DDX60L: variants seen among roughly 807,000 people sequenced by gnomAD.
DDX60L encodes the protein DExD/H-box 60 like, also known as probable ATP-dependent RNA helicase DDX60-like.
Under a neutral mutation model 211.6 loss-of-function variants are expected in DDX60L, and 191 were observed. The ratio of observed to expected loss-of-function variants is 0.90; its 90% CI spans 0.80 to 1.02. The LOEUF (loss-of-function observed/expected upper bound fraction) is 1.02, where lower values mean the gene tolerates loss of function less well. DDX60L is among the 50% of genes least tolerant of loss of function. The pLI is 0.00. For synonymous variants in DDX60L, 706 were observed against 694.1 expected (o/e 1.02, Z -0.27); for missense variants, 2,007 against 1,984.1 (o/e 1.01, Z -0.22).
At chr4:168,416,247 T>C (rs370528848) in intron 20 of DDX60L, among the ~76,000 whole-genome samples, 39 of 152,340 alleles carry the variant, frequency 2.6e-4, no homozygotes, top group African/African-American at 9.1e-4. Flanking sequence ...ATTTTAGCTT[T>C]AATTATTGGA....
At chr4:168,466,757 T>C (rs370594063) in intron 4 of DDX60L, among the ~76,000 whole-genome samples, 21 of 152,142 alleles carry the variant, frequency 1.4e-4, no homozygotes, top group East Asian at 5.8e-4. Context: ...TAAAAACTGG[T>C]TTAGAGTATC....
intron 1 of DDX60L, among the ~76,000 whole-genome samples, chr4:168,474,869 A>G (rs1168507045): frequency 1.3e-5 from 2 of 152,206 alleles, no homozygotes; most frequent in African/African-American, 4.8e-5. Context: ...AGACTGCCTC[A>G]GGGCTGAAGA....
At chr4:168,361,849 T>C (rs1022605745) in intron 36 of DDX60L, among the ~76,000 whole-genome samples, 1 of 152,184 alleles carries the variant, frequency 6.6e-6, no homozygotes, top group African/African-American at 2.4e-5. Context: ...GTTTAAGTAG[T>C]TTCGTTGCCC....
At chr4:168,476,578 C>T (rs753614050) in intron 1 of DDX60L, among the ~76,000 whole-genome samples, 48 of 151,944 alleles carry the variant, frequency 3.2e-4, no homozygotes, top group Non-Finnish European at 6.3e-4. Flanking sequence ...AGAGGGAATC[C>T]TATAGATTAA....
chr4:168,419,208 T>C (rs1235486932), intron 19 of DDX60L, 94 bp downstream of exon 19: 2 of 764,882 alleles, frequency 2.6e-6, no homozygotes, highest in Admixed American at 6.2e-5. Flanking sequence ...ACAACTTAAC[T>C]GCCATCATTG....
intron 29 of DDX60L, among the ~76,000 whole-genome samples, chr4:168,386,575 G>GAA (rs55835081): frequency 0.2 from 28,457 of 142,396 alleles, 2,948 homozygotes; most frequent in Middle Eastern, 0.31. Flanking sequence ...ATATGATGTT[G>GAA]AAAAAAAAAA....
intron 7 of DDX60L, 41 bp from the exon 8 acceptor site, chr4:168,453,323 G>T (rs200215309): frequency 3.2e-6 from 5 of 1,563,546 alleles, no homozygotes; most frequent in East Asian, 2.3e-5. Flanking sequence ...ACAATGTCAC[G>T]CTGTGAAATG....
intron 9 of DDX60L, among the ~76,000 whole-genome samples, chr4:168,443,680 C>A (rs368600223): frequency 6.7e-6 from 1 of 150,160 alleles, no homozygotes; most frequent in Non-Finnish European, 1.5e-5. Context: ...GCGGATCTCT[C>A]GGCAGAAACC....
Position 168,394,953 on chromosome 4 carries a change from A to G in DDX60L, c.3658-336T>C, listed in dbSNP as rs563182084. On this transcript the variant is annotated intron_variant, in intron 27 of 37. Transcript: ENST00000682922. ...GAACCTTAGGAGTCCTTTTCAAGCA[A>G]AGAGAGAGAGACTTCTCCAAGAAGG... is the stretch of plus-strand genomic sequence containing the variant. 4.9e-4 allele frequency among the ~76,000 whole-genome samples: 75 copies of G among 152,260 alleles called. 2 individuals carry two copies. In the South Asian group the frequency reaches 0.013, roughly 27 times the overall value.
intron 22 of DDX60L, among the ~76,000 whole-genome samples, chr4:168,407,920 C>A (rs1748032130): frequency 6.6e-6 from 1 of 152,178 alleles, no homozygotes; most frequent in African/African-American, 2.4e-5. Context: ...GCAAGGTTTT[C>A]TTTTTATTCT....
In DDX60L at chr4:168,430,695, G is replaced by A. The variant is rs137969339; in HGVS notation, c.1517-57C>T. The stretch of plus-strand genomic sequence containing the variant: ...TATTTTAAAATATTGCTATATATGT[G>A]TGCTACCCACACATTATTTTTTTAA... On this transcript the variant is annotated intron_variant, in intron 12 of 37. Transcript: ENST00000682922. 385 of 1,290,320 alleles carry A rather than the reference G, an allele frequency of 3.0e-4. No individual in the cohort carries two copies. The African/African-American group carries it at 5.2e-3, about 17-fold the overall frequency. 79.9% of individuals were successfully genotyped at this position (1,290,320 alleles called of 1,614,324 possible). A position where few individuals can be genotyped will look rare whatever the true frequency, so the allele number is the denominator to read the frequency against.
intron 4 of DDX60L, 160 bp downstream of exon 4, chr4:168,471,587 C>T (rs1485475971): frequency 1.9e-6 from 1 of 529,040 alleles, no homozygotes; most frequent in Non-Finnish European, 3.2e-6. Context: ...GAATGGTTAT[C>T]TCTGAGTAGT....
intron 9 of DDX60L, among the ~76,000 whole-genome samples, chr4:168,443,212 A>G (rs1490458501): frequency 7.2e-5 from 11 of 152,290 alleles, no homozygotes; most frequent in South Asian, 6.2e-4. Context: ...ACCAAGGCTC[A>G]AGAACTAAGT....
intron 22 of DDX60L, among the ~76,000 whole-genome samples, chr4:168,409,871 A>G (rs1001973662): frequency 1.2e-4 from 18 of 152,206 alleles, no homozygotes; most frequent in African/African-American, 4.1e-4. Context: ...CAACCTCACT[A>G]GCCCTCTTTT....
chr4:168,449,813 A>T (rs972996588), intron 8 of DDX60L, among the ~76,000 whole-genome samples: 22 of 95,502 alleles, frequency 2.3e-4, no homozygotes, highest in Non-Finnish European at 3.4e-4. Flanking sequence ...AATAAAAAAA[A>T]AAAAAAAAAA....
At chr4:168,438,209 T>C (rs555854454) in intron 10 of DDX60L, among the ~76,000 whole-genome samples, 4 of 152,284 alleles carry the variant, frequency 2.6e-5, no homozygotes, top group East Asian at 1.9e-4. Context: ...CTTTAACCAA[T>C]TGCAAATGAA....
At chr4:168,416,281 A>C (rs1749549650) in intron 20 of DDX60L, among the ~76,000 whole-genome samples, 1 of 152,236 alleles carries the variant, frequency 6.6e-6, no homozygotes, top group Non-Finnish European at 1.5e-5. Context: ...AGGGGGATAC[A>C]ATTCTCTCTC....
At chr4:168,448,124 T>G (rs536559709) in intron 9 of DDX60L, among the ~76,000 whole-genome samples, 54 of 152,312 alleles carry the variant, frequency 3.5e-4, no homozygotes, top group African/African-American at 1.0e-3. Flanking sequence ...TATTCAAGTG[T>G]TTGTCATTTA....
chr4:168,436,208 C>A (rs750733566), intron 10 of DDX60L, among the ~76,000 whole-genome samples: 34 of 152,198 alleles, frequency 2.2e-4, no homozygotes, highest in Non-Finnish European at 4.6e-4. Context: ...GAAGGCCCTG[C>A]AACATGTCCA....
Sources: gnomAD v4.1 joint callset for allele counts (sites outside exome capture counted in the v4.1 genomes callset) on GRCh38, gnomAD v4.1.1 for gene constraint, MANE v1.5 for transcripts, NCBI Gene and HGNC (gene_info 2026-07-23, HGNC 2026-07-21) for gene names.